The following MEOX2 variants were observed in gnomAD, a reference collection of about 807,000 sequenced individuals.
MEOX2 encodes mesenchyme homeobox 2.
A neutral mutation model predicts 27.0 loss-of-function variants in MEOX2; 11 were observed. The observed-to-expected ratio is 0.41, with a 90% CI of 0.26 to 0.68. MEOX2 has a LOEUF of 0.68. Among genes scored for constraint, MEOX2 ranks in the 30% least tolerant of loss-of-function variants. The pLI, the probability that MEOX2 is intolerant of heterozygous loss-of-function variation, is 0.33. For synonymous variants in MEOX2, 189 were observed against 155.4 expected, an observed-to-expected ratio of 1.22 and a Z score of -1.61; for missense variants, 436 against 385.4, an observed-to-expected ratio of 1.13 and a Z score of -1.10.
At chr7:15,643,312 C>G (rs1175784505) in intron 1 of MEOX2, among the ~76,000 whole-genome samples, 3 of 152,096 alleles carry the variant, frequency 2.0e-5, no homozygotes, top group Non-Finnish European at 4.4e-5. Context: ...ACTCTGCTGC[C>G]AAGGTAGCTG....
At chr7:15,667,519 C>G (rs1782028807) in intron 1 of MEOX2, among the ~76,000 whole-genome samples, 1 of 151,882 alleles carries the variant, frequency 6.6e-6, no homozygotes, top group African/African-American at 2.4e-5. Context: ...TTAGTGTACC[C>G]AAAGCGTAGG....
intron 1 of MEOX2, among the ~76,000 whole-genome samples, chr7:15,643,799 T>C (rs1781600259): frequency 6.6e-6 from 1 of 152,172 alleles, no homozygotes; most frequent in African/African-American, 2.4e-5. Context: ...GTAGTCAAGA[T>C]CAAGCCATAA....
At chr7:15,617,996 C>T (rs1289831554) in intron 2 of MEOX2, among the ~76,000 whole-genome samples, 1 of 152,072 alleles carries the variant, frequency 6.6e-6, no homozygotes, top group Non-Finnish European at 1.5e-5. Flanking sequence ...TTCCCCACGA[C>T]AGATTTGAAT....
At chr7:15,644,813 A>G (rs916973770) in intron 1 of MEOX2, among the ~76,000 whole-genome samples, 8 of 152,160 alleles carry the variant, frequency 5.3e-5, no homozygotes, top group African/African-American at 1.9e-4. Context: ...CGTTTTGTAC[A>G]ATTTGCCACT....
At chr7:15,640,854 C>T (rs973274346) in intron 1 of MEOX2, among the ~76,000 whole-genome samples, 1 of 152,130 alleles carries the variant, frequency 6.6e-6, no homozygotes, top group African/African-American at 2.4e-5. Context: ...TTGAACTATC[C>T]TTGCTTCCCT....
intron 1 of MEOX2, among the ~76,000 whole-genome samples, chr7:15,656,030 G>A (rs1175078737): frequency 6.6e-6 from 1 of 151,620 alleles, no homozygotes; most frequent in East Asian, 1.9e-4. Context: ...TTGAAGCTCT[G>A]CTTTTGGTGA....
chr7:15,620,160 C>T (rs1000546717), intron 2 of MEOX2, among the ~76,000 whole-genome samples: 3 of 151,970 alleles, frequency 2.0e-5, no homozygotes, highest in African/African-American at 7.2e-5. Flanking sequence ...CCCATTTTAC[C>T]AGTTGTAGTC....
At chr7:15,653,500 A>G (rs1219909064) in intron 1 of MEOX2, among the ~76,000 whole-genome samples, 2 of 151,800 alleles carry the variant, frequency 1.3e-5, no homozygotes, top group South Asian at 2.1e-4. Context: ...TGCTCTATCA[A>G]TTTTTCCTTT....
intron 2 of MEOX2, among the ~76,000 whole-genome samples, chr7:15,618,156 C>T (rs921924050): frequency 5.9e-5 from 9 of 151,766 alleles, no homozygotes; most frequent in African/African-American, 2.2e-4. Flanking sequence ...TCCTTTATAC[C>T]TGGTAAAATT....
intron 2 of MEOX2, among the ~76,000 whole-genome samples, chr7:15,624,809 A>G (rs776686144): frequency 1.3e-5 from 2 of 152,232 alleles, no homozygotes; most frequent in African/African-American, 2.4e-5. Context: ...AGCAAAGGGT[A>G]ACTAACACAA....
intron 2 of MEOX2, among the ~76,000 whole-genome samples, chr7:15,618,650 CTA>C (rs1341413389): frequency 6.6e-6 from 1 of 151,772 alleles, no homozygotes; most frequent in Non-Finnish European, 1.5e-5. Flanking sequence ...TGAAATATTA[CTA>C]TGATTCAATC....
intron 1 of MEOX2, among the ~76,000 whole-genome samples, chr7:15,650,267 T>C (rs1781714843): frequency 1.3e-5 from 2 of 152,124 alleles, no homozygotes; most frequent in Non-Finnish European, 2.9e-5. Context: ...TAAAGAGTTC[T>C]ACTGCTTTCC....
intron 1 of MEOX2, chr7:15,681,071 C>A (rs1228019759): frequency 6.6e-6 from 1 of 151,354 alleles, no homozygotes; most frequent in Non-Finnish European, 1.5e-5. Context: ...AAATAATCCA[C>A]AACTATTAAT....
chr7:15,614,121 G>A (rs1327923952), intron 2 of MEOX2, among the ~76,000 whole-genome samples: 1 of 151,230 alleles, frequency 6.6e-6, no homozygotes. Context: ...AAGCCAGTAA[G>A]ATATTCTATT....
At chr7:15,640,737 G>A (rs1350504397) in intron 1 of MEOX2, among the ~76,000 whole-genome samples, 4 of 152,220 alleles carry the variant, frequency 2.6e-5, no homozygotes, top group Admixed American at 2.6e-4. Flanking sequence ...TATCATGAAG[G>A]ATGCTGGATT....
chr7:15,663,440 C>G (rs772536136), intron 1 of MEOX2, among the ~76,000 whole-genome samples: 33 of 151,728 alleles, frequency 2.2e-4, no homozygotes, highest in Non-Finnish European at 4.6e-4. Context: ...TTAAGCAAGT[C>G]TCCTGCCTCA....
At chr7:15,639,514 G>A (rs555610814) in intron 1 of MEOX2, among the ~76,000 whole-genome samples, 1 of 151,858 alleles carries the variant, frequency 6.6e-6, no homozygotes, top group Admixed American at 6.6e-5. Context: ...TGTTTTTGGT[G>A]CATTTTCTTT....
chr7:15,613,744 AT>A (rs1279682228), intron 2 of MEOX2, among the ~76,000 whole-genome samples: 1 of 152,088 alleles, frequency 6.6e-6, no homozygotes, highest in Non-Finnish European at 1.5e-5. Context: ...ATCTTTGTTG[AT>A]TCAAAAGACT....
intron 1 of MEOX2, among the ~76,000 whole-genome samples, chr7:15,648,042 G>T (rs1313192558): frequency 6.6e-6 from 1 of 152,016 alleles, no homozygotes; most frequent in African/African-American, 2.4e-5. Flanking sequence ...ATATTAAGAT[G>T]TTGATACTAT....
Sources: gnomAD v4.1 joint callset for allele counts (sites outside exome capture counted in the v4.1 genomes callset) on GRCh38, gnomAD v4.1.1 for gene constraint, MANE v1.5 for transcripts, NCBI Gene and HGNC (gene_info 2026-07-23, HGNC 2026-07-21) for gene names.